TM9SF2: variants seen among roughly 807,000 people sequenced by gnomAD.
TM9SF2 encodes 76 kDa membrane protein.
TM9SF2 carries 13 observed loss-of-function variants against 84.9 expected under a neutral mutation model. The ratio of observed to expected loss-of-function variants is 0.15; its 90% CI spans 0.10 to 0.24. The LOEUF is 0.24. TM9SF2 is among the 10% of genes least tolerant of loss of function. TM9SF2 has a pLI of 1.00. For synonymous variants in TM9SF2, 273 were observed against 285.8 expected, an observed-to-expected ratio of 0.96 and a Z score of 0.45; for missense variants, 562 against 818.5, an observed-to-expected ratio of 0.69 and a Z score of 3.82.
intron 3 of TM9SF2, among the ~76,000 whole-genome samples, chr13:99,526,026 G>C (rs1052649464): frequency 2.0e-5 from 3 of 152,226 alleles, no homozygotes; most frequent in African/African-American, 7.2e-5. Context: ...CAGTGAGCTC[G>C]TTCATCCGTG....
chr13:99,527,964 T>C (rs1191437964), intron 3 of TM9SF2, among the ~76,000 whole-genome samples: 4 of 152,152 alleles, frequency 2.6e-5, no homozygotes, highest in African/African-American at 7.2e-5. Flanking sequence ...TGACTCTAGA[T>C]TGATATTTTG....
At position 99,520,021 on chromosome 13, in the gene TM9SF2, A is replaced by G. The variant is rs60203399; in HGVS notation, c.240-15A>G. On this transcript the variant is annotated splice_polypyrimidine_tract_variant and intron_variant, in intron 2 of 16. Coordinates refer to ENST00000376387, the MANE Select transcript of TM9SF2 (RefSeq NM_004800.3). ...TTCCCTTTTATGTGTAAAAATTTAA[A>G]TATTCTTCTCCCAGGTTTGATTTTT... 1,453 of 1,609,376 alleles carry G rather than the reference A, an allele frequency of 9.0e-4. 16 individuals are homozygous for G. The African/African-American group carries it at 0.017, about 19-fold the overall frequency.
chr13:99,524,768 G>A (rs1166614713), intron 3 of TM9SF2, among the ~76,000 whole-genome samples: 1 of 151,846 alleles, frequency 6.6e-6, no homozygotes, highest in Non-Finnish European at 1.5e-5. Flanking sequence ...TTACCATGTT[G>A]GTCAGGCTGG....
At chr13:99,502,069 G>C (rs533429078) in intron 1 of TM9SF2, among the ~76,000 whole-genome samples, 3 of 152,200 alleles carry the variant, frequency 2.0e-5, no homozygotes, top group African/African-American at 7.2e-5. Context: ...CGTGTGGAGC[G>C]CCCTTGGAGT....
chr13:99,503,503 G>GT (rs2046075486), intron 1 of TM9SF2, among the ~76,000 whole-genome samples: 1 of 152,150 alleles, frequency 6.6e-6, no homozygotes, highest in Admixed American at 6.5e-5. Flanking sequence ...GAAGTCAGGA[G>GT]TTTAAGACCA....
At chr13:99,536,765 T>A in intron 5 of TM9SF2, 28 bp downstream of exon 5, 1 of 1,607,478 alleles carries the variant, frequency 6.2e-7, no homozygotes, top group Non-Finnish European at 8.5e-7. Flanking sequence ...TCTTTGCTGC[T>A]TTTTAAAACA....
intron 3 of TM9SF2, among the ~76,000 whole-genome samples, chr13:99,526,301 G>A (rs1447066116): frequency 2.0e-5 from 3 of 152,248 alleles, no homozygotes; most frequent in Non-Finnish European, 4.4e-5. Context: ...ATTTCCAGCT[G>A]TGCTGCTGAG....
chr13:99,507,025 C>A (rs2046091532), intron 1 of TM9SF2, among the ~76,000 whole-genome samples: 1 of 152,164 alleles, frequency 6.6e-6, no homozygotes, highest in African/African-American at 2.4e-5. Context: ...ACTTTTCAAA[C>A]CTGTTTATTG....
chr13:99,525,380 T>A (rs1253196027), intron 3 of TM9SF2, among the ~76,000 whole-genome samples: 1 of 152,026 alleles, frequency 6.6e-6, no homozygotes, highest in Non-Finnish European at 1.5e-5. Context: ...CAGCTGGGAT[T>A]ACAGGTGCCT....
At chr13:99,533,739 A>G (rs1594053884) in intron 4 of TM9SF2, among the ~76,000 whole-genome samples, 1 of 152,110 alleles carries the variant, frequency 6.6e-6, no homozygotes, top group South Asian at 2.1e-4. Context: ...ACTCACTGCA[A>G]CCTCAGCCTC....
intron 10 of TM9SF2, among the ~76,000 whole-genome samples, chr13:99,546,113 G>A (rs918652354): frequency 2.6e-5 from 4 of 152,232 alleles, no homozygotes; most frequent in Non-Finnish European, 5.9e-5. Flanking sequence ...AAGCTACCCT[G>A]ATGTGTTTCC....
chr13:99,527,702 A>C (rs2046190061), intron 3 of TM9SF2, among the ~76,000 whole-genome samples: 1 of 152,182 alleles, frequency 6.6e-6, no homozygotes, highest in African/African-American at 2.4e-5. Flanking sequence ...TCAGATATGG[A>C]CTTTGATATA....
intron 15 of TM9SF2, among the ~76,000 whole-genome samples, chr13:99,556,251 C>A (rs540343623): frequency 3.3e-5 from 5 of 152,290 alleles, no homozygotes; most frequent in African/African-American, 1.2e-4. Flanking sequence ...GTTAAATTTA[C>A]ATAACAGAAA....
chr13:99,556,425 G>GC (rs1003819065), intron 15 of TM9SF2, among the ~76,000 whole-genome samples: 55 of 152,262 alleles, frequency 3.6e-4, no homozygotes, highest in African/African-American at 1.2e-3. Context: ...GGCCTTAGCA[G>GC]CCAACGGTCT....
intron 12 of TM9SF2, among the ~76,000 whole-genome samples, chr13:99,550,373 T>G (rs1263268189): frequency 6.6e-6 from 1 of 152,250 alleles, no homozygotes; most frequent in Non-Finnish European, 1.5e-5. Context: ...ATCATTTTAC[T>G]GAAACTTTTA....
chr13:99,525,939 G>C (rs2046181421), intron 3 of TM9SF2, among the ~76,000 whole-genome samples: 1 of 152,196 alleles, frequency 6.6e-6, no homozygotes, highest in African/African-American at 2.4e-5. Context: ...TGATTTAGGA[G>C]AGGGAAGGAT....
At chr13:99,506,967 G>A (rs1056827462) in intron 1 of TM9SF2, among the ~76,000 whole-genome samples, 9 of 152,242 alleles carry the variant, frequency 5.9e-5, no homozygotes, top group South Asian at 2.1e-4. Flanking sequence ...ATCTATGAAA[G>A]GCTTTGGAGG....
At chr13:99,520,319 G>A (rs2139079641) in intron 3 of TM9SF2, among the ~76,000 whole-genome samples, 190 bp downstream of exon 3, 1 of 152,264 alleles carries the variant, frequency 6.6e-6, no homozygotes, top group East Asian at 1.9e-4. Context: ...TGATAAGTCT[G>A]TCTTAATGAA....
Position 99,556,181 on chromosome 13 carries a change from T to G in TM9SF2, c.1752+534T>G, listed in dbSNP as rs1207432415. Among the ~76,000 whole-genome samples the G allele has an allele frequency of 2.6e-5, 4 of 151,880 alleles. No homozygotes were observed. In the East Asian group the frequency reaches 7.7e-4, roughly 29 times the overall value. ...TTGTGTTAAATCTACTATTTAATAT[T>G]GTCTATATTGGAGAAAAAGCTAACT... is the stretch of plus-strand genomic sequence containing the variant. On this transcript the variant is annotated intron_variant, in intron 15 of 16. Transcript: ENST00000376387.
Sources: gnomAD v4.1 joint callset for allele counts (sites outside exome capture counted in the v4.1 genomes callset) on GRCh38, gnomAD v4.1.1 for gene constraint, MANE v1.5 for transcripts, NCBI Gene and HGNC (gene_info 2026-07-23, HGNC 2026-07-21) for gene names.